MGAT4B: variants seen among roughly 807,000 people sequenced by gnomAD.
MGAT4B encodes the protein N-acetylglucosaminyltransferase IVb.
MGAT4B carries 38 observed loss-of-function variants against 73.9 expected under a neutral mutation model. The ratio of observed to expected loss-of-function variants is 0.51; its 90% confidence interval spans 0.40 to 0.67. The LOEUF (loss-of-function observed/expected upper bound fraction) is 0.67, where lower values mean the gene tolerates loss of function less well. Among genes scored for constraint, MGAT4B ranks in the 30% least tolerant of loss-of-function variants. The pLI is 0.00. For missense variants in MGAT4B, 686 were observed against 735.2 expected, an observed-to-expected ratio of 0.93 and a Z score of 0.77; for synonymous variants, 373 against 313.5, an observed-to-expected ratio of 1.19 and a Z score of -2.01.
intron 1 of MGAT4B, among the ~76,000 whole-genome samples, chr5:179,805,645 G>GACAGGGAA (rs997022226): frequency 4.6e-5 from 7 of 152,264 alleles, no homozygotes; most frequent in African/African-American, 1.7e-4. Context: ...GGCGCTCCGG[G>GACAGGGAA]ACAGGGAAAC....
chr5:179,802,620 G>A (rs1209990261), intron 1 of MGAT4B: 1 of 988,682 alleles, frequency 1.0e-6, no homozygotes, highest in Non-Finnish European at 1.2e-6. Context: ...CTGGAGACCT[G>A]TGCTGCGCCT....
In MGAT4B at chr5:179,801,774, C is replaced by T. The variant is rs1337430747; in HGVS notation, c.283+10G>A. ...CCCCCGCCTTTTCCCCCTCCCGCCCCAGACCTCACCTGTTAGGCGGCCCCA... is the reference window on the plus strand; with the variant it reads ...CCCCCGCCTTTTCCCCCTCCCGCCCTAGACCTCACCTGTTAGGCGGCCCCA... On this transcript the variant is annotated intron_variant, in intron 2 of 14. Coordinates refer to ENST00000292591, the MANE Select transcript of MGAT4B (RefSeq NM_014275.5). This position sits in a 1 kb window ranked among gnomAD's most constrained non-coding sequence, Gnocchi z 4.8. 9 of 1,572,940 alleles carry T rather than the reference C, an allele frequency of 5.7e-6. No homozygotes were observed. Among genetic ancestry groups the T allele is most frequent in the Non-Finnish European group, 6.1e-6 (7 of 1,156,676 alleles).
chr5:179,805,785 G>A (rs545020410), intron 1 of MGAT4B, among the ~76,000 whole-genome samples: 1 of 152,348 alleles, frequency 6.6e-6, no homozygotes, highest in South Asian at 2.1e-4. Context: ...CGAGGGCTCA[G>A]GCCCTACTCG....
Position 179,798,586 on chromosome 5 carries a change from A to T in MGAT4B, c.1349T>A (p.Phe450Tyr). Residue 450 changes from phenylalanine (F) to tyrosine (Y), a missense_variant, in exon 12 of 15, where the codon TTC (phenylalanine) becomes TAC (tyrosine). By Grantham distance (22) the Phe-to-Tyr change is conservative (BLOSUM62 3). Around this residue, in one of 2 missense-constraint regions of MGAT4B, gnomAD observed 449 missense variants for 536.8 expected, o/e 0.84. Transcript: ENST00000292591. The stretch of plus-strand genomic sequence containing the variant: ...GTGCTCGATGTTCCCACTGCGGAAG[A>T]AGAACCTGCAGCCAGGCAGGCCTGT... ...FFQPLRLERFFFRSGNIEHPE... is the reference protein window; with the variant it reads ...FFQPLRLERFYFRSGNIEHPE... The T allele has an allele frequency of 6.2e-7, 1 of 1,613,390 alleles. No homozygotes were observed.
intron 5 of MGAT4B, among the ~76,000 whole-genome samples, 153 bp from the exon 6 acceptor site, chr5:179,800,750 G>A (rs1397290590): frequency 1.3e-5 from 2 of 151,772 alleles, no homozygotes; most frequent in Admixed American, 6.6e-5. Context: ...CTCCAGAGGG[G>A]CTGGGCCACT....
rs1756867378 is a variant in MGAT4B, at chr5:179,800,489, T to C, written c.714A>G (p.Arg238=). The part of the protein sequence containing the change: ...LRESFGDPKE[R]VRWRTKQNLD... ...TATGGGGGAGTAACTAGTACCTGACTCTCTCCTTGGGGTCCCCAAAGGACT... is the reference window on the plus strand; with the variant it reads ...TATGGGGGAGTAACTAGTACCTGACCCTCTCCTTGGGGTCCCCAAAGGACT... The change falls in exon 6 of 15, where the codon AGA becomes AGG. Residue 238 remains arginine, a synonymous_variant. Transcript: ENST00000292591. 6.3e-7 allele frequency: 1 copy of C among 1,599,836 alleles called. No individual in the cohort carries two copies. The highest frequency in any genetic ancestry group is 1.7e-5 in the Admixed American group (1 of 58,388).
intron 9 of MGAT4B, 30 bp downstream of exon 9, chr5:179,799,476 C>T: frequency 6.2e-7 from 1 of 1,613,084 alleles, no homozygotes; most frequent in Non-Finnish European, 8.5e-7. Flanking sequence ...CTTGGCCCTG[C>T]CCCTGCCAGT....
At position 179,797,661 on chromosome 5, in the gene MGAT4B, T is replaced by C. The variant is rs1756701202; in HGVS notation, c.*384A>G. On this transcript the variant is annotated 3_prime_UTR_variant, in exon 15 of 15. Transcript: ENST00000292591. ...CGCTCTTATAGAAGTATATGTGGAC[T>C]TACGTGAAAAAATCAAATGTATCCA... 5.1e-6 allele frequency: 1 copy of C among 194,440 alleles called. No homozygotes were observed. Among genetic ancestry groups the C allele is most frequent in the Non-Finnish European group, 1.0e-5 (1 of 95,856 alleles). The allele number at this position is 194,440 out of a possible 1,614,324, so 12.0% of individuals were successfully genotyped here. A position where few individuals can be genotyped will look rare whatever the true frequency, so the allele number is the denominator to read the frequency against.
intron 1 of MGAT4B, among the ~76,000 whole-genome samples, chr5:179,805,848 C>T (rs1757128591): frequency 1.3e-5 from 2 of 152,130 alleles, no homozygotes; most frequent in Non-Finnish European, 2.9e-5. Flanking sequence ...GATCGGCCCG[C>T]ACCCTCCGCC....
At chr5:179,799,442 G>A in intron 9 of MGAT4B, 64 bp downstream of exon 9, 1 of 1,611,012 alleles carries the variant, frequency 6.2e-7, no homozygotes, top group Non-Finnish European at 8.5e-7. Flanking sequence ...CAGGGACACA[G>A]TTTGGGGTGG....
At position 179,801,446 on chromosome 5, in the gene MGAT4B, G is replaced by T; in HGVS notation, c.446C>A (p.Pro149Gln). ...CGAGTGCACCTCGCGCCGCACGCTC[G>T]GGATGCCCATCACCACCGACACTAT... ...RTGVSVVMGIPSVRREVHSYL... is the reference protein window; with the variant it reads ...RTGVSVVMGIQSVRREVHSYL... Residue 149 changes from proline (P) to glutamine (Q), a missense_variant, in exon 4 of 15, where the codon CCG becomes CAG. Transcript: ENST00000292591. The surrounding 1 kb of genome is among the most constrained non-coding windows in gnomAD (Gnocchi z 4.8). 6.2e-7 allele frequency: 1 copy of T among 1,608,268 alleles called. No homozygotes were observed. Among genetic ancestry groups the T allele is most frequent in the Non-Finnish European group, 8.5e-7 (1 of 1,176,350 alleles).
rs772898504 is a variant in MGAT4B, at chr5:179,798,233, A to C, written c.1555T>G (p.Phe519Val). Reference sequence around the variant, plus strand: ...AGGCGCAGTGCTTCCAGAGGGCCGAAGGCTGGGTCCACCTCTCCCTCTGCC... The same window carrying C: ...AGGCGCAGTGCTTCCAGAGGGCCGACGGCTGGGTCCACCTCTCCCTCTGCC... ...GVAEGEVDPA[F>V]GPLEALRLSI... The change falls in exon 14 of 15, where the codon TTC becomes GTC. Residue 519 changes from phenylalanine to valine, a missense_variant. Physicochemically the swap from Phe to Val is conservative, Grantham distance 50. Around this residue, in one of 2 missense-constraint regions of MGAT4B, gnomAD observed 449 missense variants for 536.8 expected, o/e 0.84. Coordinates refer to ENST00000292591, the MANE Select transcript of MGAT4B (RefSeq NM_014275.5). The C allele has an allele frequency of 1.9e-6, 3 of 1,608,274 alleles. No individual in the cohort carries two copies. The highest frequency in any genetic ancestry group is 1.7e-6 in the Non-Finnish European group (2 of 1,176,810).
At chr5:179,802,096 C>T in intron 1 of MGAT4B, 127 bp from the exon 2 acceptor site, 2 of 1,565,420 alleles carry the variant, frequency 1.3e-6, no homozygotes, top group East Asian at 2.3e-5. Flanking sequence ...GTTCTTGTGC[C>T]TGCCACACGT....
At chr5:179,803,145 C>A in intron 1 of MGAT4B, 1 of 985,554 alleles carries the variant, frequency 1.0e-6, no homozygotes, top group Non-Finnish European at 1.2e-6. Flanking sequence ...AAGGGGTGGA[C>A]CTGGGCAGGA....
chr5:179,802,796 T>C lies in MGAT4B; in HGVS notation c.98-827A>G, dbSNP rs1438932810. ...CAGGGACCAGTGAGCAAGAATGAGATCAACAACCTCCTGGTGGCTCGGTGC... is the reference window on the plus strand; with the variant it reads ...CAGGGACCAGTGAGCAAGAATGAGACCAACAACCTCCTGGTGGCTCGGTGC... On this transcript the variant is annotated intron_variant, in intron 1 of 14. Coordinates refer to ENST00000292591, the MANE Select transcript of MGAT4B (RefSeq NM_014275.5). 3 of 985,352 alleles carry C rather than the reference T, an allele frequency of 3.0e-6. No individual in the cohort carries two copies. In the African/African-American group the frequency reaches 5.2e-5, roughly 17 times the overall value. 61.0% of individuals were successfully genotyped at this position (985,352 alleles called of 1,614,324 possible). A position where few individuals can be genotyped will look rare whatever the true frequency, so the allele number is the denominator to read the frequency against.
In MGAT4B at chr5:179,800,080, G is replaced by C. The variant is rs1562610961; in HGVS notation, c.796-12C>G. 6.2e-7 allele frequency: 1 copy of C among 1,612,756 alleles called. No individual in the cohort carries two copies. Among genetic ancestry groups the C allele is most frequent in the East Asian group, 2.2e-5 (1 of 44,882 alleles). ...ATGTCATCCTCCAGCTGCGAGGTGA[G>C]CAGAGAGGGGCTGGGGCTGAGGAAG... On this transcript the variant is annotated splice_polypyrimidine_tract_variant and intron_variant, in intron 7 of 14. Transcript: ENST00000292591.
At position 179,801,810 on chromosome 5, in the gene MGAT4B, C is replaced by T; in HGVS notation, c.257G>A (p.Gly86Asp). 1 of 1,597,164 alleles carries T rather than the reference C, an allele frequency of 6.3e-7. No homozygotes were observed. The highest frequency in any genetic ancestry group is 8.6e-7 in the Non-Finnish European group (1 of 1,168,872). Residue 86 changes from glycine to aspartate, a missense_variant, in exon 2 of 15, where the codon GGC (glycine) becomes GAC (aspartate). Physicochemically the swap from Gly to Asp is moderately conservative, Grantham distance 94. Around this residue, in one of 2 missense-constraint regions of MGAT4B, gnomAD observed 237 missense variants for 198.5 expected, o/e 1.19. Transcript: ENST00000292591. The surrounding 1 kb of genome is among the most constrained non-coding windows in gnomAD (Gnocchi z 4.8). ...SERQALRDGD[G>D]NRTWGRLTED... ...TGTTAGGCGGCCCCAGGTGCGATTG[C>T]CGTCTCCGTCTCGCAGCGCCTGCCT...
intron 5 of MGAT4B, 110 bp from the exon 6 acceptor site, chr5:179,800,707 AC>A: frequency 3.1e-6 from 3 of 976,008 alleles, no homozygotes; most frequent in Non-Finnish European, 4.6e-6. Flanking sequence ...GCCCCCCACC[AC>A]CCCCTACACC....
intron 11 of MGAT4B, 119 bp downstream of exon 11, chr5:179,798,809 T>C (rs1171236206): frequency 4.7e-6 from 6 of 1,264,550 alleles, no homozygotes; most frequent in Non-Finnish European, 6.6e-6. Flanking sequence ...TAGCTACCAT[T>C]ACGAGGCCCA....
Sources: allele counts gnomAD v4.1 joint callset (sites outside exome capture counted in the v4.1 genomes callset), GRCh38; gene constraint gnomAD v4.1.1; regional missense constraint gnomAD v4.1.1; non-coding constraint Gnocchi (gnomAD v3.1); transcripts MANE v1.5; gene names NCBI Gene and HGNC (gene_info 2026-07-23, HGNC 2026-07-21).